Variants in UPP2 observed in about 807,000 individuals in gnomAD.
UPP2 encodes uridine phosphorylase 2, also known as UPase 2.
UPP2 carries 23 observed loss-of-function variants against 26.7 expected under a neutral mutation model. The ratio of observed to expected loss-of-function variants is 0.86; its 90% CI spans 0.62 to 1.22. The LOEUF (loss-of-function observed/expected upper bound fraction) is 1.22. UPP2 is among the 50% of genes most tolerant of loss of function. The pLI is 0.00. For missense variants in UPP2, 387 were observed against 396.7 expected (o/e 0.98, Z 0.21); for synonymous variants, 127 against 141.3 (o/e 0.90, Z 0.72).
chr2:158,018,604 C>T (rs911363939), intron 3 of UPP2, among the ~76,000 whole-genome samples: 5 of 152,164 alleles, frequency 3.3e-5, no homozygotes, highest in Non-Finnish European at 7.3e-5. Context: ...GGGAAGGGGG[C>T]TGCATAATCT....
chr2:158,105,055 T>G (rs1683162764), intron 1 of UPP2, among the ~76,000 whole-genome samples: 9 of 102,074 alleles, frequency 8.8e-5, no homozygotes, highest in East Asian at 4.1e-4. Flanking sequence ...GGGGCAGGCA[T>G]GTGGAGAGAA....
At chr2:158,086,956 G>A (rs905858381) in intron 3 of UPP2, among the ~76,000 whole-genome samples, 5 of 152,126 alleles carry the variant, frequency 3.3e-5, no homozygotes, top group Non-Finnish European at 7.4e-5. Context: ...GGAATAGAAT[G>A]TATATTCTGC....
chr2:158,092,396 AC>A (rs1249779589), intron 3 of UPP2, among the ~76,000 whole-genome samples: 3 of 152,212 alleles, frequency 2.0e-5, no homozygotes, highest in Non-Finnish European at 4.4e-5. Flanking sequence ...ATGAAAACAA[AC>A]TTTTCATCAG....
intron 3 of UPP2, among the ~76,000 whole-genome samples, chr2:158,032,567 T>C (rs958424402): frequency 4.0e-5 from 6 of 151,604 alleles, no homozygotes; most frequent in Non-Finnish European, 7.4e-5. Context: ...CATTAGGAGG[T>C]GGGACATGGG....
intron 4 of UPP2, among the ~76,000 whole-genome samples, chr2:158,118,795 G>A (rs1683497672): frequency 6.6e-6 from 1 of 152,024 alleles, no homozygotes; most frequent in Non-Finnish European, 1.5e-5. Flanking sequence ...AGGGATGTCA[G>A]AAATCCTCAC....
At chr2:158,070,387 T>C (rs2105186467) in intron 3 of UPP2, among the ~76,000 whole-genome samples, 1 of 152,364 alleles carries the variant, frequency 6.6e-6, no homozygotes, top group East Asian at 1.9e-4. Flanking sequence ...TCTATCTATG[T>C]ACAGGTCTCT....
At chr2:158,132,763 T>TA (rs964883484) in intron 6 of UPP2, among the ~76,000 whole-genome samples, 132 of 151,630 alleles carry the variant, frequency 8.7e-4, no homozygotes, top group African/African-American at 3.0e-3. Context: ...ACAGATATAT[T>TA]AAAAAAAACA....
chr2:158,008,186 T>C (rs1683523282), intron 2 of UPP2, among the ~76,000 whole-genome samples: 1 of 152,264 alleles, frequency 6.6e-6, no homozygotes, highest in African/African-American at 2.4e-5. Context: ...GTTTTTAATG[T>C]ATATTTGCTT....
intron 3 of UPP2, among the ~76,000 whole-genome samples, chr2:158,026,769 T>A (rs1490395083): frequency 6.6e-6 from 1 of 152,144 alleles, no homozygotes; most frequent in East Asian, 1.9e-4. Flanking sequence ...GATAAAGACA[T>A]ACCCAAAACT....
At chr2:158,053,196 TC>T (rs948252073) in intron 3 of UPP2, among the ~76,000 whole-genome samples, 4 of 152,104 alleles carry the variant, frequency 2.6e-5, no homozygotes, top group African/African-American at 9.7e-5. Flanking sequence ...TTTTGGGAAG[TC>T]CTGATTTAGA....
chr2:158,040,148 G>T (rs1279059341), intron 3 of UPP2, among the ~76,000 whole-genome samples: 1 of 152,220 alleles, frequency 6.6e-6, no homozygotes, highest in African/African-American at 2.4e-5. Context: ...ACGTCCTTTT[G>T]CAGGGAGGAG....
At chr2:158,112,288 C>T (rs1413971389) in intron 2 of UPP2, among the ~76,000 whole-genome samples, 2 of 152,130 alleles carry the variant, frequency 1.3e-5, no homozygotes, top group South Asian at 2.1e-4. Context: ...AACCAAGAGA[C>T]CAGAAATAAA....
chr2:158,041,186 A>T (rs767019290), intron 3 of UPP2, among the ~76,000 whole-genome samples: 2 of 151,898 alleles, frequency 1.3e-5, no homozygotes, highest in Non-Finnish European at 2.9e-5. Context: ...AACAAGAAGC[A>T]TTTTTTTTAC....
At chr2:158,118,081 G>T in intron 4 of UPP2, 143 bp downstream of exon 4, 1 of 669,134 alleles carries the variant, frequency 1.5e-6, no homozygotes. Flanking sequence ...GGAAACTTAA[G>T]GAAATCTGCC....
rs945945602 is a variant in UPP2, at chr2:158,038,978, G to C, written c.147+23092G>C. On this transcript the variant is annotated intron_variant, in intron 3 of 9. Coordinates refer to the UPP2 transcript ENST00000605860. ...TGCAGGGATCTACACACCGCACTGA[G>C]GAGATCTAATCCACTTTGGCTGGTT... 3.9e-5 allele frequency among the ~76,000 whole-genome samples: 6 copies of C among 152,206 alleles called. No homozygotes were observed. In the South Asian group the frequency reaches 1.2e-3, roughly 31 times the overall value.
At chr2:158,108,888 G>A (rs1302601841) in intron 2 of UPP2, among the ~76,000 whole-genome samples, 8 of 25,606 alleles carry the variant, frequency 3.1e-4, no homozygotes, top group Admixed American at 1.0e-3. Flanking sequence ...AGGCAAAAGC[G>A]TGTGTGTGTG....
chr2:158,029,267 T>C (rs1363336317), intron 3 of UPP2, among the ~76,000 whole-genome samples: 2 of 152,224 alleles, frequency 1.3e-5, no homozygotes, highest in Non-Finnish European at 2.9e-5. Flanking sequence ...ACTTCGTAAC[T>C]GAGTTCCTCA....
chr2:158,076,810 T>G (rs1025704450), intron 3 of UPP2, among the ~76,000 whole-genome samples: 1 of 152,006 alleles, frequency 6.6e-6, no homozygotes, highest in Non-Finnish European at 1.5e-5. Flanking sequence ...GTACTAGAAG[T>G]CCTAGCTATA....
intron 5 of UPP2, among the ~76,000 whole-genome samples, chr2:158,122,475 G>A (rs1017133328): frequency 1.3e-5 from 2 of 151,896 alleles, no homozygotes; most frequent in African/African-American, 2.4e-5. Flanking sequence ...GGGCTGTTGG[G>A]GTCCAATAGG....
Sources: allele counts gnomAD v4.1 joint callset (sites outside exome capture counted in the v4.1 genomes callset), GRCh38; gene constraint gnomAD v4.1.1; transcripts MANE v1.5; gene names NCBI Gene and HGNC (gene_info 2026-07-23, HGNC 2026-07-21).